Variants in FANCM observed in about 807,000 individuals in gnomAD.
FANCM encodes the protein FA complementation group M, also known as Fanconi anemia group M protein.
A neutral mutation model predicts 199.5 loss-of-function variants in FANCM; 140 were observed. That is an observed-to-expected ratio of 0.70 (90% CI 0.61 to 0.81). The LOEUF (loss-of-function observed/expected upper bound fraction) is 0.81. Ranked by LOEUF, FANCM falls within the 30% of genes least tolerant of loss-of-function variation. The pLI is 0.00. For missense variants in FANCM, 2,410 were observed against 2,421.4 expected (o/e 1.00, Z 0.10); for synonymous variants, 840 against 836.8 (o/e 1.00, Z -0.07).
chr14:45,177,694 G>A (rs1475596094), intron 14 of FANCM, among the ~76,000 whole-genome samples: 1 of 151,916 alleles, frequency 6.6e-6, no homozygotes, highest in Non-Finnish European at 1.5e-5. Context: ...GCCTGGCCAA[G>A]ATTTTATATA....
intron 14 of FANCM, among the ~76,000 whole-genome samples, chr14:45,177,626 A>G (rs1594801196): frequency 6.6e-6 from 1 of 152,104 alleles, no homozygotes. Context: ...TCCTGACCTC[A>G]GGTGATCCAC....
intron 4 of FANCM, 38 bp from the exon 5 acceptor site, chr14:45,151,359 T>A: frequency 6.3e-7 from 1 of 1,596,384 alleles, no homozygotes; most frequent in South Asian, 1.1e-5. Context: ...AAAAGGACTT[T>A]AGAGCAAGCT....
chr14:45,165,169 A>C (rs1022961142), intron 10 of FANCM, among the ~76,000 whole-genome samples: 8 of 152,226 alleles, frequency 5.3e-5, no homozygotes, highest in Admixed American at 2.6e-4. Flanking sequence ...TGTTACACTA[A>C]AGTATTAACT....
chr14:45,167,649 C>G (rs1888080211), intron 11 of FANCM, among the ~76,000 whole-genome samples: 1 of 152,070 alleles, frequency 6.6e-6, no homozygotes, highest in African/African-American at 2.4e-5. Flanking sequence ...CCATATTTAC[C>G]TGGTAATTGA....
Position 45,175,733 on chromosome 14 carries a change from T to G in FANCM, c.2979T>G (p.Phe993Leu). ...TKEVLANVER[F>L]LSYSPPPLSG... Reference sequence around the variant, plus strand: ...AGGTACTAGCTAATGTAGAGAGATTTTTATCTTATTCTCCTCCGCCTCTCA... The same window carrying G: ...AGGTACTAGCTAATGTAGAGAGATTGTTATCTTATTCTCCTCCGCCTCTCA... The change falls in exon 14 of 23, where the codon TTT becomes TTG. Residue 993 changes from phenylalanine (F) to leucine (L), a missense_variant. Coordinates refer to ENST00000267430, the MANE Select transcript of FANCM (RefSeq NM_020937.4). The G allele has an allele frequency of 6.2e-7, 1 of 1,613,876 alleles. No individual in the cohort carries two copies. Among genetic ancestry groups the G allele is most frequent in the Non-Finnish European group, 8.5e-7 (1 of 1,179,932 alleles).
rs1049679142 is a variant in FANCM, at chr14:45,175,559, T to C, written c.2805T>C (p.Ser935=). ...TECQFTNKST[S]SLAGNVLDSG... The stretch of plus-strand genomic sequence containing the variant: ...GTCAGTTTACAAATAAATCCACTAG[T>C]TCACTTGCTGGAAATGTTTTAGATT... The change falls in exon 14 of 23, where the codon AGT becomes AGC. Residue 935 remains serine, a synonymous_variant. Coordinates refer to ENST00000267430, the MANE Select transcript of FANCM (RefSeq NM_020937.4). The C allele has an allele frequency of 1.2e-6, 2 of 1,613,396 alleles. No homozygotes were observed. The highest frequency in any genetic ancestry group is 8.5e-7 in the Non-Finnish European group (1 of 1,179,510).
intron 20 of FANCM, 35 bp from the exon 21 acceptor site, chr14:45,196,137 A>C: frequency 1.2e-6 from 2 of 1,612,678 alleles, no homozygotes; most frequent in Non-Finnish European, 1.7e-6. Flanking sequence ...TTATGCATTT[A>C]ACCTGAATGT....
intron 18 of FANCM, among the ~76,000 whole-genome samples, chr14:45,186,429 T>C (rs1193387182): frequency 6.6e-6 from 1 of 152,240 alleles, no homozygotes; most frequent in Non-Finnish European, 1.5e-5. Flanking sequence ...TCAGATTGGC[T>C]GTAACAGAAG....
chr14:45,169,427 A>G (rs1443282374), intron 11 of FANCM, among the ~76,000 whole-genome samples: 1 of 150,898 alleles, frequency 6.6e-6, no homozygotes, highest in Admixed American at 6.6e-5. Flanking sequence ...TACATTTTTA[A>G]AAAGCTTCTT....
In FANCM at chr14:45,145,457, G is replaced by C. The variant is rs186231895; in HGVS notation, c.760-3380G>C. Among the ~76,000 whole-genome samples the C allele has an allele frequency of 2.0e-3, 302 of 152,262 alleles. 2 individuals carry two copies. The highest frequency in any genetic ancestry group is 1.2e-3 in the Non-Finnish European group (84 of 68,034). ...TAGGGCTGGTCTAAATTCTCCTTCT[G>C]TGGTGGCATTGACTGAGTTCCACCT... is the stretch of plus-strand genomic sequence containing the variant. On this transcript the variant is annotated intron_variant, in intron 3 of 22. Coordinates refer to ENST00000267430, the MANE Select transcript of FANCM (RefSeq NM_020937.4).
chr14:45,189,385 A>T lies in FANCM; in HGVS notation c.5340+23A>T, dbSNP rs147196731. On this transcript the variant is annotated intron_variant, in intron 20 of 22. Transcript: ENST00000267430. ...AAGGTATGGATCAAAGAAAGGAAAA[A>T]TATCTTTAGATGGTTACCAGAAGTT... 0.013 allele frequency: 19,386 copies of T among 1,507,402 alleles called. 163 individuals carry two copies. Among genetic ancestry groups the T allele is most frequent in the Non-Finnish European group, 0.016 (17,272 of 1,083,352 alleles). The allele number at this position is 1,507,402 out of a possible 1,614,324, so 93.4% of individuals were successfully genotyped here.
intron 4 of FANCM, among the ~76,000 whole-genome samples, chr14:45,149,197 C>T (rs919954581): frequency 6.6e-6 from 1 of 151,874 alleles, no homozygotes; most frequent in African/African-American, 2.4e-5. Context: ...AGGGAAAATA[C>T]AAAAGATGGG....
intron 20 of FANCM, among the ~76,000 whole-genome samples, 154 bp downstream of exon 20, chr14:45,189,516 C>T (rs1249291959): frequency 1.3e-5 from 2 of 152,002 alleles, no homozygotes; most frequent in African/African-American, 2.4e-5. Context: ...AAACAATACA[C>T]AAAATTATAT....
At chr14:45,193,942 A>G (rs1343702020) in intron 20 of FANCM, among the ~76,000 whole-genome samples, 1 of 152,118 alleles carries the variant, frequency 6.6e-6, no homozygotes, top group Non-Finnish European at 1.5e-5. Flanking sequence ...AATGCATGAA[A>G]ATGGGATGTC....
chr14:45,181,175 A>G (rs1889041931), intron 14 of FANCM, among the ~76,000 whole-genome samples: 2 of 152,202 alleles, frequency 1.3e-5, no homozygotes, highest in Non-Finnish European at 2.9e-5. Context: ...CAGTTAATTT[A>G]TAAAATTGAA....
chr14:45,189,507 A>G (rs1889634904), intron 20 of FANCM, 145 bp downstream of exon 20: 1 of 652,120 alleles, frequency 1.5e-6, no homozygotes, highest in Non-Finnish European at 2.7e-6. Flanking sequence ...CAAACAAGAA[A>G]ACAATACACA....
intron 14 of FANCM, among the ~76,000 whole-genome samples, chr14:45,177,684 G>A (rs1463572870): frequency 5.3e-5 from 8 of 152,024 alleles, no homozygotes; most frequent in Non-Finnish European, 8.8e-5. Flanking sequence ...GAGCCACTGC[G>A]CCTGGCCAAG....
chr14:45,185,277 GT>G lies in FANCM; in HGVS notation c.4579del (p.Ser1527HisfsTer20). ...ACTTTCTGAAGAAGATGCAGAATAT[GT>G]TTCATCAGATGAAAATGATGAGTCA... ...AELSEEDAEY[V>X]SSDENDESEN... On this transcript the variant is annotated frameshift_variant, in exon 18 of 23. Coordinates refer to ENST00000267430, the MANE Select transcript of FANCM (RefSeq NM_020937.4). LOFTEE classifies it high-confidence loss of function. 2 of 1,602,834 alleles carry G rather than the reference GT, an allele frequency of 1.2e-6. No homozygotes were observed. Among genetic ancestry groups the G allele is most frequent in the Non-Finnish European group, 1.7e-6 (2 of 1,171,074 alleles).
At chr14:45,147,978 A>T (rs1419087355) in intron 3 of FANCM, among the ~76,000 whole-genome samples, 1 of 151,564 alleles carries the variant, frequency 6.6e-6, no homozygotes, top group South Asian at 2.1e-4. Context: ...TGGGCGAATC[A>T]TGAGGTCAGG....
Sources: gnomAD v4.1 joint callset for allele counts (sites outside exome capture counted in the v4.1 genomes callset) on GRCh38, gnomAD v4.1.1 for gene constraint, MANE v1.5 for transcripts, NCBI Gene and HGNC (gene_info 2026-07-23, HGNC 2026-07-21) for gene names.